The following SLX4IP variants were observed in gnomAD, a reference collection of about 807,000 sequenced individuals.
SLX4IP encodes the protein SLX4 interacting protein.
In SLX4IP, 34 loss-of-function variants were observed where a neutral mutation model predicts 32.9. The ratio of observed to expected loss-of-function variants is 1.03; its 90% CI spans 0.79 to 1.38. SLX4IP has a LOEUF of 1.38. SLX4IP is among the 40% of genes most tolerant of loss of function. The pLI, the probability that SLX4IP is intolerant of heterozygous loss-of-function variation, is 0.00. For missense variants in SLX4IP, 444 were observed against 479.0 expected (o/e 0.93, Z 0.68); for synonymous variants, 172 against 171.7 (o/e 1.00, Z -0.01).
At chr20:10,593,984 A>G (rs540726352) in intron 4 of SLX4IP, among the ~76,000 whole-genome samples, 1 of 152,358 alleles carries the variant, frequency 6.6e-6, no homozygotes, top group South Asian at 2.1e-4. Flanking sequence ...CGGTAATGTC[A>G]TACTCAGTTG....
At chr20:10,514,516 A>G (rs2065834440) in intron 2 of SLX4IP, among the ~76,000 whole-genome samples, 1 of 152,244 alleles carries the variant, frequency 6.6e-6, no homozygotes, top group Non-Finnish European at 1.5e-5. Context: ...TGCTGAAGTT[A>G]AAGTTCTTGT....
At position 10,622,678 on chromosome 20, in the gene SLX4IP, A is replaced by G. The variant is rs73075324; in HGVS notation, c.526A>G (p.Lys176Glu). ...LKEIVKRTETKSSVTSKSQTR... is the reference protein window; with the variant it reads ...LKEIVKRTETESSVTSKSQTR... ...TTTCAGTGTGAAAAGAACTGAAACAAAAAGCAGTGTCACGAGCAAATCGCA... is the reference window on the plus strand; with the variant it reads ...TTTCAGTGTGAAAAGAACTGAAACAGAAAGCAGTGTCACGAGCAAATCGCA... Residue 176 changes from lysine to glutamate, a missense_variant, in exon 8 of 8, where the codon AAA becomes GAA. Coordinates refer to ENST00000334534, the MANE Select transcript of SLX4IP (RefSeq NM_001009608.3). 0.083 allele frequency: 133,710 copies of G among 1,608,694 alleles called. 6,468 individuals carry two copies. The highest frequency in any genetic ancestry group is 0.099 in the Non-Finnish European group (116,295 of 1,177,670).
Position 10,556,278 on chromosome 20 carries a change from T to C in SLX4IP, c.75T>C (p.Gly25=). ...VLVDLHILPQ[G]SNKDTSWFSE... ...TGGATCTTCATATCTTGCCACAAGG[T>C]TCAAACAAAGATACAAGCTGGTTTT... The change falls in exon 3 of 8, where the codon GGT becomes GGC. Residue 25 remains glycine, a synonymous_variant. Transcript: ENST00000334534. 1 of 1,613,438 alleles carries C rather than the reference T, an allele frequency of 6.2e-7. No homozygotes were observed. Among genetic ancestry groups the C allele is most frequent in the Non-Finnish European group, 8.5e-7 (1 of 1,179,800 alleles).
At chr20:10,458,131 A>G in intron 1 of SLX4IP, 45 bp from the exon 2 acceptor site, 1 of 1,295,366 alleles carries the variant, frequency 7.7e-7, no homozygotes, top group Non-Finnish European at 1.1e-6. Flanking sequence ...TCCAAATAAA[A>G]AGAAATTTTA....
At position 10,452,673 on chromosome 20, in the gene SLX4IP, A is replaced by AT. The variant is rs1474361691; in HGVS notation, c.-29-5503_-29-5502insT. ...AAGAGCGAAACTGTCTCAAAAAAAA[A>AT]AAAAAAAATATATATATATATATGT... On this transcript the variant is annotated intron_variant, in intron 1 of 7. Coordinates refer to ENST00000334534, the MANE Select transcript of SLX4IP (RefSeq NM_001009608.3). Among the ~76,000 whole-genome samples the AT allele has an allele frequency of 1.1e-3, 77 of 71,038 alleles. 1 individual carries two copies. The highest frequency in any genetic ancestry group is 4.7e-3 in the East Asian group (10 of 2,148). The allele number at this position is 71,038 out of a possible 152,430, so 46.6% of individuals were successfully genotyped here.
chr20:10,474,712 A>G (rs1367807970), intron 2 of SLX4IP, among the ~76,000 whole-genome samples: 3 of 151,926 alleles, frequency 2.0e-5, no homozygotes, highest in Admixed American at 2.0e-4. Context: ...TCCCTCCCTT[A>G]CCACTATGTT....
chr20:10,526,666 T>A (rs1240046100), intron 2 of SLX4IP, among the ~76,000 whole-genome samples: 1 of 152,196 alleles, frequency 6.6e-6, no homozygotes, highest in African/African-American at 2.4e-5. Flanking sequence ...AGACAGGGTC[T>A]CAGGCTGGGC....
chr20:10,590,008 C>T (rs977246432), intron 4 of SLX4IP, among the ~76,000 whole-genome samples: 3 of 151,700 alleles, frequency 2.0e-5, no homozygotes, highest in Non-Finnish European at 2.9e-5. Context: ...TCGCAGCTTC[C>T]AAACTGCCTC....
intron 2 of SLX4IP, among the ~76,000 whole-genome samples, chr20:10,536,374 A>G (rs1390333793): frequency 6.6e-6 from 1 of 152,210 alleles, no homozygotes; most frequent in East Asian, 1.9e-4. Context: ...TAAAAAAAAA[A>G]AAAAGGATTA....
chr20:10,627,808 A>G lies in SLX4IP; in HGVS notation c.*4429A>G, dbSNP rs981527079. On this transcript the variant is annotated 3_prime_UTR_variant, in exon 8 of 8. Transcript: ENST00000334534. ...ACCCTAAAGTATTTGATCAGGGAAC[A>G]GAAGGTGTGAATTGGACAGATCCCC... 4.6e-5 allele frequency: 7 copies of G among 152,270 alleles called. No homozygotes were observed. Among genetic ancestry groups the G allele is most frequent in the Admixed American group, 3.3e-4 (5 of 15,292 alleles). The allele number at this position is 152,270 out of a possible 1,614,324, so 9.4% of individuals were successfully genotyped here. A position where few individuals can be genotyped will look rare whatever the true frequency, so the allele number is the denominator to read the frequency against.
At chr20:10,474,068 C>T (rs1015562356) in intron 2 of SLX4IP, among the ~76,000 whole-genome samples, 2 of 152,206 alleles carry the variant, frequency 1.3e-5, no homozygotes, top group Admixed American at 6.5e-5. Context: ...GATGACCCAC[C>T]TGCCTCAGCA....
chr20:10,531,364 A>G (rs1452640724), intron 2 of SLX4IP, among the ~76,000 whole-genome samples: 1 of 152,238 alleles, frequency 6.6e-6, no homozygotes, highest in African/African-American at 2.4e-5. Flanking sequence ...GACCAACATT[A>G]TCTATTATAT....
intron 2 of SLX4IP, among the ~76,000 whole-genome samples, chr20:10,534,829 A>G (rs986106576): frequency 6.6e-5 from 10 of 152,228 alleles, no homozygotes; most frequent in Non-Finnish European, 1.5e-4. Flanking sequence ...ATAGGTTACC[A>G]TGAAAGGAGA....
intron 4 of SLX4IP, among the ~76,000 whole-genome samples, chr20:10,565,464 G>A (rs1052731794): frequency 6.6e-6 from 1 of 152,102 alleles, no homozygotes; most frequent in African/African-American, 2.4e-5. Context: ...CTCATCCTCT[G>A]CCCCACCCTG....
At chr20:10,530,499 A>G (rs1382186261) in intron 2 of SLX4IP, among the ~76,000 whole-genome samples, 1 of 152,186 alleles carries the variant, frequency 6.6e-6, no homozygotes, top group Non-Finnish European at 1.5e-5. Flanking sequence ...CCGATTTGTT[A>G]GGAGTTTGGG....
intron 4 of SLX4IP, among the ~76,000 whole-genome samples, chr20:10,576,293 CCA>C (rs950222636): frequency 3.9e-5 from 6 of 152,142 alleles, no homozygotes; most frequent in African/African-American, 1.4e-4. Context: ...AGTGAATTTG[CCA>C]CAGATTCAGA....
intron 3 of SLX4IP, among the ~76,000 whole-genome samples, chr20:10,559,114 TTTAA>T (rs1377223812): frequency 5.9e-5 from 9 of 151,840 alleles, no homozygotes; most frequent in African/African-American, 7.2e-5. Flanking sequence ...AGCAAAATTC[TTTAA>T]TTGTTTTTTA....
chr20:10,438,274 C>T (rs1359637762), intron 1 of SLX4IP, among the ~76,000 whole-genome samples: 1 of 149,342 alleles, frequency 6.7e-6, no homozygotes, highest in Non-Finnish European at 1.5e-5. Context: ...AACTGTTATA[C>T]AGTTAATGCA....
intron 6 of SLX4IP, among the ~76,000 whole-genome samples, chr20:10,609,527 G>C (rs2066941736): frequency 6.6e-6 from 1 of 152,210 alleles, no homozygotes; most frequent in Non-Finnish European, 1.5e-5. Context: ...ATCATCTGTG[G>C]TGTGTTCTCT....
Sources: gnomAD v4.1 joint callset for allele counts (sites outside exome capture counted in the v4.1 genomes callset) on GRCh38, gnomAD v4.1.1 for gene constraint, MANE v1.5 for transcripts, NCBI Gene and HGNC (gene_info 2026-07-23, HGNC 2026-07-21) for gene names.